MTUS2: variants seen among roughly 807,000 people sequenced by gnomAD.
MTUS2 encodes the protein microtubule-associated tumor suppressor candidate 2.
In MTUS2, 40 loss-of-function variants were observed where a neutral mutation model predicts 114.1. The ratio of observed to expected loss-of-function variants is 0.35; its 90% confidence interval spans 0.27 to 0.46. The LOEUF (loss-of-function observed/expected upper bound fraction) is 0.46, where lower values mean the gene tolerates loss of function less well. MTUS2 is among the 20% of genes least tolerant of loss of function. MTUS2 has a pLI of 1.00. For missense variants in MTUS2, 1,679 were observed against 1,705.4 expected (o/e 0.98, Z 0.27); for synonymous variants, 688 against 672.0 (o/e 1.02, Z -0.37).
intron 8 of MTUS2, among the ~76,000 whole-genome samples, chr13:29,406,160 C>T (rs1274527791): frequency 6.6e-6 from 1 of 152,088 alleles, no homozygotes; most frequent in African/African-American, 2.4e-5. Flanking sequence ...ATCCTGTGAC[C>T]GTCCCTTACA....
In MTUS2 at chr13:28,859,624, T is replaced by A. The variant is rs1422658672; in HGVS notation, c.-243+19774T>A. On this transcript the variant is annotated intron_variant, in intron 2 of 15. Coordinates refer to ENST00000612955, the MANE Select transcript of MTUS2 (RefSeq NM_001033602.4). ...AGAGTAGAAGTATCCATTATTAGAC[T>A]TAAGGACAGAGGTACATTTGTATTT... is the stretch of plus-strand genomic sequence containing the variant. Among the ~76,000 whole-genome samples the A allele has an allele frequency of 2.6e-5, 4 of 151,988 alleles. No individual in the cohort carries two copies. In the East Asian group the frequency reaches 5.8e-4, roughly 22 times the overall value.
chr13:29,436,053 T>G (rs1302929091), intron 8 of MTUS2, among the ~76,000 whole-genome samples: 1 of 152,190 alleles, frequency 6.6e-6, no homozygotes, highest in Non-Finnish European at 1.5e-5. Context: ...GACAGGCAGT[T>G]CAGGCTGTGG....
At chr13:28,880,679 T>C (rs1469839538) in intron 2 of MTUS2, among the ~76,000 whole-genome samples, 2 of 152,210 alleles carry the variant, frequency 1.3e-5, no homozygotes, top group African/African-American at 4.8e-5. Flanking sequence ...ACAGGTAATA[T>C]TTTGAGTATA....
intron 2 of MTUS2, among the ~76,000 whole-genome samples, chr13:28,900,920 A>G (rs1879608897): frequency 6.6e-6 from 1 of 152,178 alleles, no homozygotes. Context: ...GCAGTTTCTC[A>G]GTAGTATTGT....
At chr13:29,412,173 C>A (rs1875291352) in intron 8 of MTUS2, among the ~76,000 whole-genome samples, 3 of 152,112 alleles carry the variant, frequency 2.0e-5, no homozygotes, top group African/African-American at 7.2e-5. Context: ...AATGTAAATT[C>A]TTCTATTGTT....
chr13:29,394,343 G>A (rs1441726839), intron 8 of MTUS2, among the ~76,000 whole-genome samples: 1 of 152,112 alleles, frequency 6.6e-6, no homozygotes, highest in African/African-American at 2.4e-5. Context: ...AGAAAGGTGG[G>A]ACAACTAGAA....
intron 2 of MTUS2, among the ~76,000 whole-genome samples, chr13:29,022,690 C>T (rs111736906): frequency 0.016 from 2,362 of 152,238 alleles, 64 homozygotes; most frequent in African/African-American, 0.054. Flanking sequence ...GAATTGGTGA[C>T]GGGGCAGAAC....
chr13:28,985,804 G>A (rs912128822), intron 2 of MTUS2, among the ~76,000 whole-genome samples: 6 of 152,090 alleles, frequency 3.9e-5, no homozygotes, highest in African/African-American at 1.4e-4. Context: ...ATGTGGGTGG[G>A]CCTCATCCAA....
chr13:29,446,175 A>G lies in MTUS2; in HGVS notation c.3184+6126A>G, dbSNP rs1345144828. On this transcript the variant is annotated intron_variant, in intron 9 of 15. Coordinates refer to ENST00000612955, the MANE Select transcript of MTUS2 (RefSeq NM_001033602.4). ...TCCAAGCATATTAGAGACTTGTGCC[A>G]GAAACTGGGGAGAAGGACCAAATAT... is the stretch of plus-strand genomic sequence containing the variant. Among the ~76,000 whole-genome samples the G allele has an allele frequency of 2.0e-5, 3 of 152,234 alleles. No individual in the cohort carries two copies. In the South Asian group the frequency reaches 6.2e-4, roughly 31 times the overall value.
intron 5 of MTUS2, among the ~76,000 whole-genome samples, chr13:29,158,977 A>G (rs1350187024): frequency 2.6e-5 from 4 of 152,224 alleles, no homozygotes; most frequent in African/African-American, 9.6e-5. Flanking sequence ...ACTTGGAAAC[A>G]GCTTAAATGA....
At chr13:29,205,409 A>AT (rs747822681) in intron 5 of MTUS2, among the ~76,000 whole-genome samples, 1 of 151,328 alleles carries the variant, frequency 6.6e-6, no homozygotes, top group Non-Finnish European at 1.5e-5. Context: ...GCTTTTGTTT[A>AT]TTTTTTTAAT....
intron 4 of MTUS2, among the ~76,000 whole-genome samples, chr13:29,044,228 A>AT (rs56704576): frequency 0.96 from 144,918 of 151,660 alleles, 69,338 homozygotes; most frequent in South Asian, 0.98. Context: ...CCAAGCTGGC[A>AT]TTTTTTTTCT....
At chr13:29,374,885 C>T (rs1772329298) in intron 8 of MTUS2, among the ~76,000 whole-genome samples, 1 of 152,136 alleles carries the variant, frequency 6.6e-6, no homozygotes, top group African/African-American at 2.4e-5. Flanking sequence ...GAGATCATGC[C>T]ATTGCACTCC....
intron 5 of MTUS2, among the ~76,000 whole-genome samples, chr13:29,153,800 A>G (rs1892753955): frequency 6.6e-6 from 1 of 152,064 alleles, no homozygotes; most frequent in Admixed American, 6.6e-5. Flanking sequence ...ACAGTGTTTC[A>G]CTTAAGCTGA....
At chr13:29,337,618 T>TG (rs1901139385) in intron 7 of MTUS2, among the ~76,000 whole-genome samples, 1 of 146,314 alleles carries the variant, frequency 6.8e-6, no homozygotes, top group Non-Finnish European at 1.5e-5. Context: ...TTTTTTTTTT[T>TG]GAGATGGGGG....
intron 5 of MTUS2, among the ~76,000 whole-genome samples, chr13:29,167,236 G>T (rs1893354112): frequency 6.6e-6 from 1 of 151,904 alleles, no homozygotes; most frequent in African/African-American, 2.4e-5. Flanking sequence ...TTAGCCGGGT[G>T]TGGTTGCGGG....
intron 5 of MTUS2, among the ~76,000 whole-genome samples, chr13:29,246,807 A>G (rs888309732): frequency 4.6e-5 from 7 of 152,180 alleles, no homozygotes; most frequent in Non-Finnish European, 1.0e-4. Context: ...GGTAGAATCA[A>G]TATTGTGAAA....
rs147241040 is a variant in MTUS2, at chr13:29,382,034, G to T, written c.3117+22561G>T. ...AGAGAGCAGAACACGCATGCTCTAT[G>T]CCCTCACAGAGCTGGAGGTGTGTTG... On this transcript the variant is annotated intron_variant, in intron 8 of 15. Transcript: ENST00000612955. Among the ~76,000 whole-genome samples, 1,209 of 152,278 alleles carry T rather than the reference G, an allele frequency of 7.9e-3. 7 individuals are homozygous for T. The highest frequency in any genetic ancestry group is 0.027 in the Middle Eastern group (8 of 294).
At chr13:29,179,344 G>C (rs1352968356) in intron 5 of MTUS2, among the ~76,000 whole-genome samples, 1 of 152,220 alleles carries the variant, frequency 6.6e-6, no homozygotes, top group Non-Finnish European at 1.5e-5. Flanking sequence ...GAAATGTATG[G>C]AAATGGAAAG....
Sources: gnomAD v4.1 joint callset for allele counts (sites outside exome capture counted in the v4.1 genomes callset) on GRCh38, gnomAD v4.1.1 for gene constraint, MANE v1.5 for transcripts, NCBI Gene and HGNC (gene_info 2026-07-23, HGNC 2026-07-21) for gene names.